The following ADARB2 variants were observed in gnomAD, a reference collection of about 807,000 sequenced individuals.
ADARB2 encodes adenosine deaminase RNA specific B2 (inactive).
ADARB2 carries 25 observed loss-of-function variants against 62.2 expected under a neutral mutation model. The ratio of observed to expected loss-of-function variants is 0.40; its 90% CI spans 0.29 to 0.56. ADARB2 has a LOEUF of 0.56. Ranked by LOEUF, ADARB2 falls within the 20% of genes least tolerant of loss-of-function variation. The probability of loss-of-function intolerance (pLI) is 0.43; values close to 1 mark genes in which losing one functional copy is unlikely to be tolerated. For synonymous variants in ADARB2, 572 were observed against 500.8 expected (o/e 1.14, Z -1.90); for missense variants, 1,071 against 1,077.4 (o/e 0.99, Z 0.08).
chr10:1,193,728 G>A (rs1379234759), intron 8 of ADARB2, among the ~76,000 whole-genome samples: 1 of 152,134 alleles, frequency 6.6e-6, no homozygotes, highest in Non-Finnish European at 1.5e-5. Flanking sequence ...ATATCAGATC[G>A]TAAGTTGAGA....
At chr10:1,523,402 T>C (rs1484559821) in intron 1 of ADARB2, among the ~76,000 whole-genome samples, 1 of 152,230 alleles carries the variant, frequency 6.6e-6, no homozygotes, top group Non-Finnish European at 1.5e-5. Flanking sequence ...TTAAGTTACA[T>C]GCACGTCACG....
chr10:1,699,627 A>C (rs1834797613), intron 1 of ADARB2, among the ~76,000 whole-genome samples: 1 of 120,456 alleles, frequency 8.3e-6, no homozygotes, highest in Non-Finnish European at 1.7e-5. Flanking sequence ...AATACACTCA[A>C]TCCCACTCCA....
chr10:1,510,013 CTTCT>C (rs1392246851), intron 1 of ADARB2, among the ~76,000 whole-genome samples: 7 of 150,552 alleles, frequency 4.6e-5, no homozygotes, highest in Admixed American at 3.3e-4. Flanking sequence ...TCTTTTCTTT[CTTCT>C]TTCTTTTTTC....
intron 1 of ADARB2, among the ~76,000 whole-genome samples, chr10:1,725,543 C>T (rs796486469): frequency 6.6e-5 from 10 of 152,072 alleles, no homozygotes; most frequent in African/African-American, 2.4e-4. Flanking sequence ...AAGAGACGTC[C>T]AGGACCCTGA....
rs572416908 is a variant in ADARB2 at position 1,592,260 on chromosome 10, G to A, written c.100+144791C>T. Among the ~76,000 whole-genome samples, 135 of 146,504 alleles carry A rather than the reference G, an allele frequency of 9.2e-4. 2 individuals carry two copies. The highest frequency in any genetic ancestry group is 3.3e-3 in the African/African-American group (129 of 39,128). ...ATCCCCTCTGTCACCCAGCTCCCCT[G>A]GCCCAAGCCACACTCTGTAGGTCTC... On this transcript the variant is annotated intron_variant, in intron 1 of 9. Transcript: ENST00000381312.
intron 1 of ADARB2, among the ~76,000 whole-genome samples, chr10:1,697,942 AGCGGTTGGG>A: frequency 6.6e-6 from 1 of 152,224 alleles, no homozygotes; most frequent in South Asian, 2.1e-4. Context: ...GGCTGTGAGG[AGCGGTTGGG>A]AATGGATAGT....
chr10:1,327,452 CCAGCGCCTCCTCACTGCA>C (rs1554754467), intron 3 of ADARB2, among the ~76,000 whole-genome samples: 6 of 9,262 alleles, frequency 6.5e-4, no homozygotes, highest in East Asian at 2.9e-3. Context: ...TCCCCACGGC[CCAGCGCCTCCTCACTGCA>C]CAGCGCCTCC....
At chr10:1,706,903 G>GTTGGGCAGGTAGTAGTGTTTCA in intron 1 of ADARB2, among the ~76,000 whole-genome samples, 1 of 148,128 alleles carries the variant, frequency 6.8e-6, no homozygotes, top group Admixed American at 6.7e-5. Context: ...TGGGGTTTTT[G>GTTGGGCAGGTAGTAGTGTTTCA]TTGGGCAGGA....
At chr10:1,186,937 C>A (rs187914794) in intron 8 of ADARB2, among the ~76,000 whole-genome samples, 1 of 152,350 alleles carries the variant, frequency 6.6e-6, no homozygotes, top group African/African-American at 2.4e-5. Context: ...CATTTAAATT[C>A]GGGGAAGACC....
chr10:1,481,940 A>T (rs1046113477), intron 1 of ADARB2, among the ~76,000 whole-genome samples: 1 of 152,204 alleles, frequency 6.6e-6, no homozygotes, highest in Non-Finnish European at 1.5e-5. Flanking sequence ...AAAAGATTTG[A>T]AGAGAGATTT....
chr10:1,532,460 G>T (rs1451715115), intron 1 of ADARB2, among the ~76,000 whole-genome samples: 2 of 152,176 alleles, frequency 1.3e-5, no homozygotes, highest in East Asian at 3.9e-4. Context: ...TGTTTGTGGA[G>T]CCTCAGTGGC....
intron 4 of ADARB2, among the ~76,000 whole-genome samples, chr10:1,270,466 G>T (rs145275200): frequency 6.6e-6 from 1 of 152,280 alleles, no homozygotes; most frequent in African/African-American, 2.4e-5. Flanking sequence ...CCACAGGGCC[G>T]ATTGATCAAA....
At chr10:1,219,936 A>T (rs1455100771) in intron 6 of ADARB2, among the ~76,000 whole-genome samples, 1 of 134,460 alleles carries the variant, frequency 7.4e-6, no homozygotes. Context: ...GATGGTGATG[A>T]TGGTGGTGAT....
At chr10:1,642,737 A>G (rs1279255166) in intron 1 of ADARB2, among the ~76,000 whole-genome samples, 4 of 151,812 alleles carry the variant, frequency 2.6e-5, no homozygotes, top group African/African-American at 9.7e-5. Context: ...CCACAAACTC[A>G]CATCCACACT....
At chr10:1,688,458 C>G (rs1395365248) in intron 1 of ADARB2, among the ~76,000 whole-genome samples, 5 of 152,206 alleles carry the variant, frequency 3.3e-5, no homozygotes, top group African/African-American at 1.2e-4. Flanking sequence ...TGCCATATTC[C>G]CCCAGACAAC....
At chr10:1,190,351 C>T (rs995683174) in intron 8 of ADARB2, among the ~76,000 whole-genome samples, 4 of 150,734 alleles carry the variant, frequency 2.7e-5, no homozygotes, top group African/African-American at 1.0e-4. Context: ...CCAAATTAAC[C>T]CTGTGGAACA....
chr10:1,396,092 A>G (rs967158134), intron 1 of ADARB2, among the ~76,000 whole-genome samples: 1 of 152,220 alleles, frequency 6.6e-6, no homozygotes, highest in African/African-American at 2.4e-5. Context: ...AAAGCGAGCA[A>G]TGATCGCGTA....
chr10:1,381,294 T>G (rs1564275232), intron 1 of ADARB2, among the ~76,000 whole-genome samples: 1 of 152,204 alleles, frequency 6.6e-6, no homozygotes. Flanking sequence ...CTAATGTCAA[T>G]AAGCACATGG....
At chr10:1,603,373 C>T (rs10437532) in intron 1 of ADARB2, among the ~76,000 whole-genome samples, 139,491 of 152,200 alleles carry the variant, frequency 0.92, 63,946 homozygotes, top group South Asian at 0.94. Flanking sequence ...GTAGTCGCTC[C>T]GCTCTAAGGA....
Sources: gnomAD v4.1 joint callset for allele counts (sites outside exome capture counted in the v4.1 genomes callset) on GRCh38, gnomAD v4.1.1 for gene constraint, MANE v1.5 for transcripts, NCBI Gene and HGNC (gene_info 2026-07-23, HGNC 2026-07-21) for gene names.